Variants in LAMA1 observed in about 807,000 individuals in gnomAD.
LAMA1 encodes the protein laminin subunit alpha-1.
A neutral mutation model predicts 348.7 loss-of-function variants in LAMA1; 219 were observed. That is an observed-to-expected ratio of 0.63 (90% CI 0.56 to 0.70). The LOEUF (loss-of-function observed/expected upper bound fraction) is 0.70, where lower values mean the gene tolerates loss of function less well. LAMA1 is among the 30% of genes least tolerant of loss of function. The probability of loss-of-function intolerance (pLI) is 0.00; values close to 1 mark genes in which losing one functional copy is unlikely to be tolerated. For synonymous variants in LAMA1, 1,487 were observed against 1,491.0 expected, an observed-to-expected ratio of 1.00 and a Z score of 0.06; for missense variants, 3,744 against 3,888.0, an observed-to-expected ratio of 0.96 and a Z score of 0.99.
At chr18:7,009,431 A>G (rs1011712848) in intron 26 of LAMA1, 65 bp from the exon 27 acceptor site, 20 of 1,553,248 alleles carry the variant, frequency 1.3e-5, no homozygotes, top group Non-Finnish European at 1.6e-5. Context: ...TAAAACTTAT[A>G]AAGAATAAAT....
intron 31 of LAMA1, 37 bp from the exon 32 acceptor site, chr18:6,999,675 G>T: frequency 6.6e-7 from 1 of 1,522,052 alleles, no homozygotes. Flanking sequence ...AGACAGGATG[G>T]TCAATACCAG....
At chr18:7,008,710 T>C in intron 27 of LAMA1, 102 bp from the exon 28 acceptor site, 1 of 1,396,228 alleles carries the variant, frequency 7.2e-7, no homozygotes, top group Non-Finnish European at 1.0e-6. Flanking sequence ...AACCAGAGCT[T>C]TCTTCCCTGT....
At chr18:7,095,914 A>C (rs1034721885) in intron 1 of LAMA1, among the ~76,000 whole-genome samples, 1 of 152,180 alleles carries the variant, frequency 6.6e-6, no homozygotes, top group African/African-American at 2.4e-5. Flanking sequence ...TAAAAATACA[A>C]AAAATTCGCC....
At chr18:7,061,464 A>G (rs1340714209) in intron 3 of LAMA1, among the ~76,000 whole-genome samples, 1 of 152,218 alleles carries the variant, frequency 6.6e-6, no homozygotes, top group Non-Finnish European at 1.5e-5. Flanking sequence ...AAATGCAGTT[A>G]CAGGCCATTC....
chr18:7,057,498 A>G (rs573640467), intron 3 of LAMA1, among the ~76,000 whole-genome samples: 18 of 106,644 alleles, frequency 1.7e-4, no homozygotes, highest in Non-Finnish European at 3.2e-4. Context: ...TTTTTGAGAT[A>G]GGATCTCACT....
intron 19 of LAMA1, among the ~76,000 whole-genome samples, 158 bp downstream of exon 19, chr18:7,023,006 G>A (rs961306445): frequency 6.6e-6 from 1 of 152,140 alleles, no homozygotes; most frequent in African/African-American, 2.4e-5. Flanking sequence ...GAACTGGGTC[G>A]TGGGTCTGTA....
chr18:6,965,196 A>G, intron 50 of LAMA1, 92 bp downstream of exon 50: 1 of 1,494,534 alleles, frequency 6.7e-7, no homozygotes, highest in Non-Finnish European at 9.2e-7. Context: ...AATACCCAGG[A>G]AACTACTGTG....
chr18:6,983,028 A>T, intron 40 of LAMA1, 71 bp downstream of exon 40: 1 of 1,600,970 alleles, frequency 6.2e-7, no homozygotes. Context: ...GGGGCCACTG[A>T]ATCTCTGCTC....
intron 1 of LAMA1, among the ~76,000 whole-genome samples, chr18:7,106,362 AT>A (rs397690964): frequency 0.04 from 5,561 of 139,592 alleles, 294 homozygotes; most frequent in African/African-American, 0.12. Flanking sequence ...CCTGGGAAGC[AT>A]TTTTTTTTTT....
At position 6,996,406 on chromosome 18, in the gene LAMA1, G is replaced by A. The variant is rs187681607; in HGVS notation, c.4807-960C>T. 2.0e-3 allele frequency among the ~76,000 whole-genome samples: 304 copies of A among 152,226 alleles called. 7 individuals are homozygous for A. In the East Asian group the frequency reaches 0.047, roughly 23 times the overall value. ...GCCATCCCTTTTATTGCTACCTGGT[G>A]CACTGCATAGATTATGTCAAATTCT... On this transcript the variant is annotated intron_variant, in intron 33 of 62. Transcript: ENST00000389658.
chr18:7,071,795 G>A (rs1386094740), intron 3 of LAMA1, among the ~76,000 whole-genome samples: 1 of 152,178 alleles, frequency 6.6e-6, no homozygotes, highest in Non-Finnish European at 1.5e-5. Flanking sequence ...TCCTACCCTT[G>A]AGCAAGCCTC....
At chr18:6,948,963 C>T in intron 59 of LAMA1, 138 bp downstream of exon 59, 1 of 1,108,126 alleles carries the variant, frequency 9.0e-7, no homozygotes, top group Non-Finnish European at 1.3e-6. Flanking sequence ...TGTGGACATG[C>T]CTGCAAAGTA....
chr18:7,113,639 A>C (rs2058344313), intron 1 of LAMA1, among the ~76,000 whole-genome samples: 1 of 152,204 alleles, frequency 6.6e-6, no homozygotes. Context: ...TGTTTCTAGA[A>C]ACATCACAGT....
chr18:7,088,672 A>G (rs2058227387), intron 1 of LAMA1, among the ~76,000 whole-genome samples: 2 of 151,898 alleles, frequency 1.3e-5, no homozygotes, highest in African/African-American at 4.8e-5. Context: ...GCATGCCACC[A>G]TGCCTGGTTG....
intron 15 of LAMA1, among the ~76,000 whole-genome samples, chr18:7,032,749 C>A (rs1568039151): frequency 6.6e-6 from 1 of 152,170 alleles, no homozygotes; most frequent in Non-Finnish European, 1.5e-5. Context: ...TTGACTAAGG[C>A]AAGAGGGCAG....
intron 62 of LAMA1, 35 bp downstream of exon 62, chr18:6,943,145 C>T (rs2057506845): frequency 3.2e-6 from 5 of 1,569,062 alleles, no homozygotes; most frequent in Non-Finnish European, 4.4e-6. Flanking sequence ...GGGACAGTGC[C>T]CCTTTTGAGT....
chr18:6,966,104 T>G (rs762820753), intron 49 of LAMA1, 43 bp downstream of exon 49: 24 of 1,606,590 alleles, frequency 1.5e-5, no homozygotes, highest in African/African-American at 2.7e-5. Flanking sequence ...GCAATCTAAA[T>G]GTGTGTATAC....
intron 5 of LAMA1, among the ~76,000 whole-genome samples, chr18:7,046,788 T>C (rs1182663302): frequency 6.6e-6 from 1 of 152,166 alleles, no homozygotes; most frequent in African/African-American, 2.4e-5. Context: ...ACAAAGTGCT[T>C]TCCTCTGAAG....
intron 3 of LAMA1, among the ~76,000 whole-genome samples, chr18:7,055,023 A>C (rs1426748390): frequency 6.6e-6 from 1 of 152,052 alleles, no homozygotes; most frequent in Non-Finnish European, 1.5e-5. Flanking sequence ...TTAGTAGTTA[A>C]GTCTTTTACG....
Sources: allele counts gnomAD v4.1 joint callset (sites outside exome capture counted in the v4.1 genomes callset), GRCh38; gene constraint gnomAD v4.1.1; transcripts MANE v1.5; gene names NCBI Gene and HGNC (gene_info 2026-07-23, HGNC 2026-07-21).